Variants in CACNA1C observed in about 807,000 individuals in gnomAD.
The protein encoded by CACNA1C is calcium voltage-gated channel subunit alpha1 C.
Under a neutral mutation model 229.0 loss-of-function variants are expected in CACNA1C, and 30 were observed. That is an observed-to-expected ratio of 0.13 (90% CI 0.10 to 0.18). The LOEUF is 0.18. Among genes scored for constraint, CACNA1C ranks in the 10% least tolerant of loss-of-function variants. The pLI, the probability that CACNA1C is intolerant of heterozygous loss-of-function variation, is 1.00. For synonymous variants in CACNA1C, 1,114 were observed against 1,132.5 expected, an observed-to-expected ratio of 0.98 and a Z score of 0.33; for missense variants, 1,658 against 2,845.0, an observed-to-expected ratio of 0.58 and a Z score of 9.49.
At chr12:2,513,056 A>G in intron 9 of CACNA1C, 72 bp downstream of exon 9, 2 of 1,288,184 alleles carry the variant, frequency 1.6e-6, no homozygotes, top group Non-Finnish European at 2.1e-6. Context: ...GTCAGCACAG[A>G]ACTTTGACCG....
intron 3 of CACNA1C, among the ~76,000 whole-genome samples, chr12:2,426,823 T>C (rs11062225): frequency 0.7 from 106,903 of 152,094 alleles, 37,774 homozygotes; most frequent in East Asian, 0.78. Flanking sequence ...ACATGGCCTC[T>C]CATTCTTTAG....
intron 5 of CACNA1C, among the ~76,000 whole-genome samples, chr12:2,464,156 C>G (rs2154566395): frequency 6.6e-6 from 1 of 152,160 alleles, no homozygotes; most frequent in South Asian, 2.1e-4. Context: ...TCAGAGCAAC[C>G]TAGACTTGAT....
chr12:2,617,953 T>C (rs1392889470), intron 29 of CACNA1C, among the ~76,000 whole-genome samples: 1 of 152,258 alleles, frequency 6.6e-6, no homozygotes, highest in Non-Finnish European at 1.5e-5. Flanking sequence ...GCATCTGGCC[T>C]CTTTGGGCAA....
intron 29 of CACNA1C, chr12:2,614,397 A>G (rs954788992): frequency 2.0e-5 from 3 of 152,260 alleles, no homozygotes; most frequent in Non-Finnish European, 4.4e-5. Flanking sequence ...GATAAAGGTC[A>G]CCACCCAGTT....
Position 2,677,756 on chromosome 12 carries a change from C to A in CACNA1C, c.4980C>A (p.Asp1660Glu). 6.2e-7 allele frequency: 1 copy of A among 1,613,802 alleles called. No homozygotes were observed. The highest frequency in any genetic ancestry group is 1.1e-5 in the South Asian group (1 of 91,018). Residue 1660 changes from aspartate (D) to glutamate (E), a missense_variant, in exon 41 of 47, where the codon GAC (aspartate) becomes GAA (glutamate). Around this residue, in one of 20 missense-constraint regions of CACNA1C, gnomAD observed 590 missense variants for 700.8 expected, o/e 0.84. Coordinates refer to ENST00000399655, the MANE Select transcript of CACNA1C (RefSeq NM_000719.7). The surrounding 1 kb of genome is among the most constrained non-coding windows in gnomAD (Gnocchi z 7.4). ...SLQAGLRTLH[D>E]IGPEIRRAIS... ...AGGCTGGCTTGCGCACACTGCATGA[C>A]ATCGGGCCTGAGATCCGACGGGCCA...
At chr12:2,119,161 T>G (rs921457537) in intron 2 of CACNA1C, among the ~76,000 whole-genome samples, 2 of 152,190 alleles carry the variant, frequency 1.3e-5, no homozygotes, top group African/African-American at 4.8e-5. Flanking sequence ...TTCCTCAGGC[T>G]CTCTGGGCCT....
chr12:2,282,681 C>T (rs917449956), intron 3 of CACNA1C, among the ~76,000 whole-genome samples: 2 of 152,218 alleles, frequency 1.3e-5, no homozygotes, highest in Non-Finnish European at 2.9e-5. Flanking sequence ...AGTCTGGCTG[C>T]GGCAGGTCTC....
chr12:2,297,116 A>G (rs765837698), intron 3 of CACNA1C, among the ~76,000 whole-genome samples: 48 of 152,210 alleles, frequency 3.2e-4, no homozygotes, highest in Admixed American at 5.2e-4. Flanking sequence ...GAAACCGCTC[A>G]GTAATAGAAG....
chr12:2,163,386 G>C (rs1253715108), intron 3 of CACNA1C, among the ~76,000 whole-genome samples: 1 of 152,104 alleles, frequency 6.6e-6, no homozygotes, highest in Non-Finnish European at 1.5e-5. Flanking sequence ...GGTTCATACA[G>C]TAAGTAAATG....
At chr12:2,080,299 C>T (rs2065034654) in intron 1 of CACNA1C, among the ~76,000 whole-genome samples, 2 of 56,612 alleles carry the variant, frequency 3.5e-5, no homozygotes, top group Admixed American at 1.8e-4. Flanking sequence ...AATAAAATAA[C>T]CTTGTTTAAA....
chr12:1,989,966 A>C (rs899807323), intron 1 of CACNA1C, among the ~76,000 whole-genome samples: 1 of 152,236 alleles, frequency 6.6e-6, no homozygotes, highest in Non-Finnish European at 1.5e-5. Context: ...AAGGCTAAAA[A>C]AACTTGCTTT....
At chr12:2,430,888 C>T (rs942508622) in intron 3 of CACNA1C, among the ~76,000 whole-genome samples, 1 of 152,104 alleles carries the variant, frequency 6.6e-6, no homozygotes, top group Non-Finnish European at 1.5e-5. Flanking sequence ...CCTGAGCCTC[C>T]CACCCAGGAA....
intron 1 of CACNA1C, chr12:2,011,024 G>C (rs759928248): frequency 1.3e-5 from 2 of 151,744 alleles, no homozygotes; most frequent in African/African-American, 2.4e-5. Context: ...GGTGGCAGGC[G>C]TCTGTAATCC....
intron 22 of CACNA1C, among the ~76,000 whole-genome samples, chr12:2,603,113 C>A (rs545283590): frequency 2.6e-5 from 4 of 152,236 alleles, no homozygotes; most frequent in Non-Finnish European, 5.9e-5. Context: ...GTTATATTAC[C>A]CCATATTTTC....
chr12:2,177,551 TTCCCTTTCCTTCCCTCCC>T (rs1400147971), intron 3 of CACNA1C, among the ~76,000 whole-genome samples: 1 of 129,726 alleles, frequency 7.7e-6, no homozygotes, highest in Non-Finnish European at 1.7e-5. Flanking sequence ...CTTTCCTTCC[TTCCCTTTCCTTCCCTCCC>T]TCCCTCCCTC....
At chr12:2,116,765 G>GA (rs1565797030) in intron 2 of CACNA1C, among the ~76,000 whole-genome samples, 1 of 152,084 alleles carries the variant, frequency 6.6e-6, no homozygotes, top group African/African-American at 2.4e-5. Context: ...ATGTGGTCAG[G>GA]AACAGATGGG....
At position 2,646,387 on chromosome 12, in the gene CACNA1C, G is replaced by A. The variant is rs946577948; in HGVS notation, c.3913-2088G>A. On this transcript the variant is annotated intron_variant, in intron 30 of 46. Coordinates refer to ENST00000399655, the MANE Select transcript of CACNA1C (RefSeq NM_000719.7). The surrounding 1 kb of genome is among the most constrained non-coding windows in gnomAD (Gnocchi z 4.6). ...TCTCCATTTTGGTCCTGTTCAGGCT[G>A]GGATTGACCCAGAAGACCTTCAAGC... 1 of 152,120 alleles carries A rather than the reference G, an allele frequency of 6.6e-6. No homozygotes were observed. The highest frequency in any genetic ancestry group is 2.4e-5 in the African/African-American group (1 of 41,372). The allele number at this position is 152,120 out of a possible 1,614,324, so 9.4% of individuals were successfully genotyped here.
At chr12:2,261,598 G>C (rs2080241808) in intron 3 of CACNA1C, among the ~76,000 whole-genome samples, 1 of 152,246 alleles carries the variant, frequency 6.6e-6, no homozygotes, top group Non-Finnish European at 1.5e-5. Context: ...GGATTAATAA[G>C]TCATGACAAG....
chr12:2,534,708 G>T (rs956674533), intron 9 of CACNA1C, among the ~76,000 whole-genome samples: 128 of 152,252 alleles, frequency 8.4e-4, no homozygotes, highest in African/African-American at 2.5e-3. Flanking sequence ...ATCCATTAGG[G>T]CACGATCTTC....
Sources: allele counts gnomAD v4.1 joint callset (sites outside exome capture counted in the v4.1 genomes callset), GRCh38; gene constraint gnomAD v4.1.1; regional missense constraint gnomAD v4.1.1; non-coding constraint Gnocchi (gnomAD v3.1); transcripts MANE v1.5; gene names NCBI Gene and HGNC (gene_info 2026-07-23, HGNC 2026-07-21).